SHISA9: variants seen among roughly 807,000 people sequenced by gnomAD.
SHISA9 encodes the protein shisa family member 9.
In SHISA9, 13 loss-of-function variants were observed where a neutral mutation model predicts 38.0. The observed-to-expected ratio is 0.34, with a 90% CI of 0.22 to 0.54. The LOEUF is 0.54. Among genes scored for constraint, SHISA9 ranks in the 20% least tolerant of loss-of-function variants. The pLI is 0.91. For missense variants in SHISA9, 538 were observed against 575.8 expected, an observed-to-expected ratio of 0.93 and a Z score of 0.67; for synonymous variants, 275 against 242.0, an observed-to-expected ratio of 1.14 and a Z score of -1.27.
At chr16:13,068,870 T>TGTATGTGC (rs11269134) in intron 2 of SHISA9, among the ~76,000 whole-genome samples, 8,220 of 152,070 alleles carry the variant, frequency 0.054, 722 homozygotes, top group African/African-American at 0.19. Context: ...ATGCAATGTG[T>TGTATGTGC]GTATGTGTAT....
the SHISA9 span, among the ~76,000 whole-genome samples, chr16:13,523,686 C>G: frequency 6.6e-6 from 1 of 152,144 alleles, no homozygotes; most frequent in Non-Finnish European, 1.5e-5. Context: ...ATTGTGAGGA[C>G]CACACCAAGG....
intron 2 of SHISA9, among the ~76,000 whole-genome samples, chr16:12,988,696 C>T (rs556436670): frequency 4.6e-5 from 7 of 151,962 alleles, no homozygotes; most frequent in South Asian, 4.2e-4. Flanking sequence ...CGACTATTTT[C>T]GTGTTTTTAG....
the SHISA9 span, among the ~76,000 whole-genome samples, chr16:13,405,631 C>T: frequency 6.6e-6 from 1 of 152,166 alleles, no homozygotes. Context: ...CCACTTCCTT[C>T]TCACTGTAGT....
At chr16:13,220,215 T>C (rs1249248428) in intron 4 of SHISA9, among the ~76,000 whole-genome samples, 2 of 152,202 alleles carry the variant, frequency 1.3e-5, no homozygotes, top group African/African-American at 4.8e-5. Flanking sequence ...CCCATCTCTC[T>C]GGGAGTTGGC....
At chr16:12,980,286 A>G (rs1000130034) in intron 2 of SHISA9, among the ~76,000 whole-genome samples, 31 of 152,264 alleles carry the variant, frequency 2.0e-4, no homozygotes, top group Admixed American at 7.2e-4. Flanking sequence ...GGGGCTTTCT[A>G]TGGCAAATCT....
At chr16:13,529,323 G>A in the SHISA9 span, among the ~76,000 whole-genome samples, 6 of 152,326 alleles carry the variant, frequency 3.9e-5, no homozygotes, top group East Asian at 5.8e-4. Context: ...AGCATGCCAC[G>A]ATGATTAGCT....
intron 4 of SHISA9, among the ~76,000 whole-genome samples, chr16:13,233,058 G>A (rs900304514): frequency 4.6e-5 from 7 of 152,106 alleles, no homozygotes; most frequent in African/African-American, 1.2e-4. Context: ...CATGTTTTGG[G>A]GTAAAATATT....
the SHISA9 span, among the ~76,000 whole-genome samples, chr16:13,328,601 C>G: frequency 1.3e-4 from 11 of 86,394 alleles, no homozygotes; most frequent in Non-Finnish European, 2.3e-4. Flanking sequence ...TACACACACA[C>G]ACACACACAC....
intron 2 of SHISA9, among the ~76,000 whole-genome samples, chr16:13,171,418 A>C (rs2050685339): frequency 6.8e-6 from 1 of 147,198 alleles, no homozygotes; most frequent in African/African-American, 2.5e-5. Context: ...CAAATGGGGT[A>C]GATGTCATGG....
At chr16:13,296,526 C>T in the SHISA9 span, among the ~76,000 whole-genome samples, 4 of 151,524 alleles carry the variant, frequency 2.6e-5, no homozygotes, top group African/African-American at 9.7e-5. Context: ...TGTGGATTGA[C>T]GGTTGCATTC....
the SHISA9 span, among the ~76,000 whole-genome samples, chr16:13,481,508 G>C: frequency 0.025 from 3,811 of 152,272 alleles, 153 homozygotes; most frequent in African/African-American, 0.084. Flanking sequence ...CATCCCCTCT[G>C]CTTCCACCAC....
In SHISA9 at chr16:13,201,448, AT is replaced by A. The variant is rs573416088; in HGVS notation, c.692-1939del. On this transcript the variant is annotated intron_variant, in intron 2 of 4. Transcript: ENST00000558583. ...TTTAACTATTGTATTGTTATTTTTAATTTTTTTCTGGGTATTTTCAATTCAC... is the reference window on the plus strand; with the variant it reads ...TTTAACTATTGTATTGTTATTTTTAATTTTTTCTGGGTATTTTCAATTCAC... Among the ~76,000 whole-genome samples, 3 of 134,214 alleles carry A rather than the reference AT, an allele frequency of 2.2e-5. 1 individual carries two copies. The highest frequency in any genetic ancestry group is 4.0e-4 in the East Asian group (2 of 5,022). The allele number at this position is 134,214 out of a possible 152,430, so 88.0% of individuals were successfully genotyped here.
At chr16:13,246,712 A>C in the SHISA9 span, among the ~76,000 whole-genome samples, 1 of 152,118 alleles carries the variant, frequency 6.6e-6, no homozygotes, top group East Asian at 1.9e-4. Context: ...CACCAACTGG[A>C]CGTTATGTGA....
At chr16:12,995,075 AT>A (rs2072441511) in intron 2 of SHISA9, among the ~76,000 whole-genome samples, 1 of 151,960 alleles carries the variant, frequency 6.6e-6, no homozygotes, top group African/African-American at 2.4e-5. Flanking sequence ...AAATTAATTA[AT>A]TTTTTTAAAC....
intron 2 of SHISA9, among the ~76,000 whole-genome samples, chr16:13,151,180 C>T (rs2050495911): frequency 6.6e-6 from 1 of 152,160 alleles, no homozygotes; most frequent in African/African-American, 2.4e-5. Context: ...AATCTCACCT[C>T]ACTGCAACAT....
At chr16:13,000,418 A>C (rs111916892) in intron 2 of SHISA9, among the ~76,000 whole-genome samples, 9 of 152,292 alleles carry the variant, frequency 5.9e-5, no homozygotes, top group African/African-American at 2.2e-4. Flanking sequence ...GATCCTGCGC[A>C]CAGCTCTGGA....
chr16:13,376,246 A>G, the SHISA9 span, among the ~76,000 whole-genome samples: 3 of 152,232 alleles, frequency 2.0e-5, no homozygotes, highest in African/African-American at 7.2e-5. Flanking sequence ...ATCCTCCCTT[A>G]GGGAGTGGCA....
chr16:13,416,941 A>C, the SHISA9 span, among the ~76,000 whole-genome samples: 1 of 152,210 alleles, frequency 6.6e-6, no homozygotes, highest in South Asian at 2.1e-4. Context: ...AATAAAACCT[A>C]AGAAATTTGA....
the SHISA9 span, among the ~76,000 whole-genome samples, chr16:13,294,860 C>T: frequency 6.6e-6 from 1 of 152,178 alleles, no homozygotes; most frequent in African/African-American, 2.4e-5. Flanking sequence ...GGGAGGATGA[C>T]TGTGAATGAA....
Sources: allele counts gnomAD v4.1 joint callset (sites outside exome capture counted in the v4.1 genomes callset), GRCh38; gene constraint gnomAD v4.1.1; transcripts MANE v1.5; gene names NCBI Gene and HGNC (gene_info 2026-07-23, HGNC 2026-07-21).